DEPDC5: variants seen among roughly 807,000 people sequenced by gnomAD.
The protein encoded by DEPDC5 is GATOR1 complex protein DEPDC5.
In DEPDC5, 73 loss-of-function variants were observed where a neutral mutation model predicts 217.3. That is an observed-to-expected ratio of 0.34 (90% confidence interval 0.28 to 0.41). The LOEUF is 0.41. Ranked by LOEUF, DEPDC5 falls within the 10% of genes least tolerant of loss-of-function variation. The pLI is 1.00. For synonymous variants in DEPDC5, 733 were observed against 756.7 expected, an observed-to-expected ratio of 0.97 and a Z score of 0.51; for missense variants, 1,675 against 2,070.1, an observed-to-expected ratio of 0.81 and a Z score of 3.70.
intron 29 of DEPDC5, 80 bp from the exon 30 acceptor site, chr22:31,844,938 A>C: frequency 2.1e-6 from 3 of 1,450,952 alleles, no homozygotes; most frequent in Non-Finnish European, 2.9e-6. Context: ...TCACACACCA[A>C]CTCCACAGAG....
At chr22:31,834,007 A>G (rs1335556782) in intron 25 of DEPDC5, 27 bp downstream of exon 25, 9 of 1,606,794 alleles carry the variant, frequency 5.6e-6, no homozygotes, top group East Asian at 2.2e-5. Flanking sequence ...GACTGGGGAA[A>G]GGGGTAGACA....
chr22:31,815,293 A>C, intron 21 of DEPDC5, 81 bp downstream of exon 21: 1 of 1,475,610 alleles, frequency 6.8e-7, no homozygotes, highest in East Asian at 2.3e-5. Flanking sequence ...GATTGGTCAG[A>C]GGTGGGGTGT....
intron 10 of DEPDC5, 64 bp from the exon 11 acceptor site, chr22:31,791,969 A>T (rs1367941616): frequency 2.6e-6 from 2 of 765,488 alleles, no homozygotes; most frequent in Admixed American, 4.6e-5. Flanking sequence ...ATATGCATGC[A>T]GTCTGCTTCA....
At position 31,777,406 on chromosome 22, in the gene DEPDC5, G is replaced by T. The variant is rs142069106; in HGVS notation, c.414-693G>T. Among the ~76,000 whole-genome samples the T allele has an allele frequency of 2.7e-5, 4 of 150,488 alleles. No homozygotes were observed. The East Asian group carries it at 7.8e-4, about 29-fold the overall frequency. On this transcript the variant is annotated intron_variant, in intron 7 of 42. Coordinates refer to ENST00000651528, the MANE Select transcript of DEPDC5 (RefSeq NM_001242896.3). ...GTCCTGAGTAGCTGAGATTACAGGC[G>T]CATGCCACCACGCCCAGCTAATTTT...
At chr22:31,833,827 C>A in intron 24 of DEPDC5, 88 bp from the exon 25 acceptor site, 2 of 1,084,382 alleles carry the variant, frequency 1.8e-6, no homozygotes, top group Non-Finnish European at 2.6e-6. Context: ...TTATTTTTAG[C>A]TCCAGTTTGC....
chr22:31,820,660 G>A (rs544098638), intron 22 of DEPDC5, among the ~76,000 whole-genome samples: 77 of 152,050 alleles, frequency 5.1e-4, no homozygotes, highest in Non-Finnish European at 5.9e-4. Flanking sequence ...TTCCCTTCCA[G>A]GTCACTTAGA....
At chr22:31,811,674 C>G (rs1270379786) in intron 20 of DEPDC5, among the ~76,000 whole-genome samples, 2 of 151,918 alleles carry the variant, frequency 1.3e-5, no homozygotes, top group Non-Finnish European at 2.9e-5. Context: ...CTCTGCCTCC[C>G]AAGTAGCTGA....
At chr22:31,781,237 A>C (rs1037993285) in intron 8 of DEPDC5, among the ~76,000 whole-genome samples, 4 of 151,276 alleles carry the variant, frequency 2.6e-5, no homozygotes, top group Admixed American at 6.6e-5. Flanking sequence ...AAACAAACAA[A>C]AAAAAAAAAA....
At chr22:31,843,235 T>A in intron 28 of DEPDC5, 23 bp downstream of exon 28, 1 of 1,605,396 alleles carries the variant, frequency 6.2e-7, no homozygotes, top group East Asian at 2.2e-5. Flanking sequence ...ATATTTAAAG[T>A]CTTCAGTTAT....
intron 41 of DEPDC5, 26 bp downstream of exon 41, chr22:31,901,828 G>A: frequency 6.2e-7 from 1 of 1,607,614 alleles, no homozygotes; most frequent in Non-Finnish European, 8.5e-7. Flanking sequence ...AGTGTGAAGA[G>A]TGGGAAGGAA....
intron 31 of DEPDC5, among the ~76,000 whole-genome samples, chr22:31,848,761 C>G (rs1264179090): frequency 5.9e-5 from 9 of 152,176 alleles, no homozygotes; most frequent in Admixed American, 5.9e-4. Flanking sequence ...GAATTTCCTC[C>G]CAGAAAATGG....
At chr22:31,790,471 A>G (rs1773990477) in intron 10 of DEPDC5, among the ~76,000 whole-genome samples, 1 of 152,114 alleles carries the variant, frequency 6.6e-6, no homozygotes, top group African/African-American at 2.4e-5. Flanking sequence ...TCCCTGTCCA[A>G]AGGTAGTTCT....
intron 7 of DEPDC5, among the ~76,000 whole-genome samples, chr22:31,777,589 A>T (rs751327422): frequency 2.0e-5 from 3 of 151,258 alleles, no homozygotes; most frequent in Non-Finnish European, 4.4e-5. Context: ...CTATATGTGG[A>T]CTCCCAGATT....
rs909333518 is a variant in DEPDC5, at chr22:31,865,128, AT to A, written c.3330+3703del. On this transcript the variant is annotated intron_variant, in intron 33 of 42. Coordinates refer to ENST00000651528, the MANE Select transcript of DEPDC5 (RefSeq NM_001242896.3). ...GGCGTAAGCCACCGCACCCAGCCGT[AT>A]TTTTTTTATCTTATTGTATGTCTGT... is the stretch of plus-strand genomic sequence containing the variant. 2.6e-5 allele frequency among the ~76,000 whole-genome samples: 4 copies of A among 152,064 alleles called. No homozygotes were observed. In the East Asian group the frequency reaches 7.8e-4, roughly 29 times the overall value.
intron 8 of DEPDC5, among the ~76,000 whole-genome samples, chr22:31,781,825 A>C (rs1044604171): frequency 6.6e-6 from 1 of 152,130 alleles, no homozygotes; most frequent in Non-Finnish European, 1.5e-5. Flanking sequence ...GCTTGAGCCC[A>C]GGAGATTGAG....
At chr22:31,852,208 C>T (rs1472185440) in intron 31 of DEPDC5, among the ~76,000 whole-genome samples, 3 of 152,084 alleles carry the variant, frequency 2.0e-5, no homozygotes, top group East Asian at 1.9e-4. Flanking sequence ...CAAAGGGATA[C>T]GAATAATAGA....
intron 9 of DEPDC5, 73 bp from the exon 10 acceptor site, chr22:31,784,741 T>G (rs2084808422): frequency 6.9e-7 from 1 of 1,441,134 alleles, no homozygotes; most frequent in Non-Finnish European, 9.7e-7. Flanking sequence ...GAGAAGAAAT[T>G]AGAGAAGAAA....
intron 4 of DEPDC5, among the ~76,000 whole-genome samples, chr22:31,764,530 C>G (rs1438534180): frequency 6.6e-6 from 1 of 152,090 alleles, no homozygotes; most frequent in African/African-American, 2.4e-5. Flanking sequence ...ATTTGTATGC[C>G]TCAGCCTCCC....
intron 17 of DEPDC5, 45 bp downstream of exon 17, chr22:31,804,960 A>G (rs955479696): frequency 6.5e-7 from 1 of 1,544,520 alleles, no homozygotes; most frequent in Non-Finnish European, 8.9e-7. Flanking sequence ...CGTTTTGAAC[A>G]GCTTCCTTGC....
Sources: gnomAD v4.1 joint callset for allele counts (sites outside exome capture counted in the v4.1 genomes callset) on GRCh38, gnomAD v4.1.1 for gene constraint, MANE v1.5 for transcripts, NCBI Gene and HGNC (gene_info 2026-07-23, HGNC 2026-07-21) for gene names.